Variants in CGNL1 observed in about 807,000 individuals in gnomAD.
CGNL1 encodes the protein cingulin like 1, also known as cingulin-like protein 1.
Under a neutral mutation model 141.2 loss-of-function variants are expected in CGNL1, and 132 were observed. That is an observed-to-expected ratio of 0.93 (90% confidence interval 0.81 to 1.08). CGNL1 has a LOEUF of 1.08. Among genes scored for constraint, CGNL1 ranks in the 50% least tolerant of loss-of-function variants. CGNL1 has a pLI of 0.00. For synonymous variants in CGNL1, 690 were observed against 622.1 expected, an observed-to-expected ratio of 1.11 and a Z score of -1.63; for missense variants, 1,870 against 1,588.6, an observed-to-expected ratio of 1.18 and a Z score of -3.01.
intron 1 of CGNL1, among the ~76,000 whole-genome samples, chr15:57,387,153 G>C (rs2062492904): frequency 6.6e-6 from 1 of 152,192 alleles, no homozygotes; most frequent in African/African-American, 2.4e-5. Context: ...CTGTGGAACT[G>C]CCTAGTCTAG....
rs538265559 is a variant in CGNL1 at position 57,473,435 on chromosome 15, G to A, written c.2403+11543G>A. ...GTATGGAAACAGGAATACCTACAGTGGCAAAGTTAATCAGAGTGCATAAGG... is the reference window on the plus strand; with the variant it reads ...GTATGGAAACAGGAATACCTACAGTAGCAAAGTTAATCAGAGTGCATAAGG... On this transcript the variant is annotated intron_variant, in intron 8 of 18. Coordinates refer to ENST00000281282, the MANE Select transcript of CGNL1 (RefSeq NM_032866.5). Among the ~76,000 whole-genome samples, 7 of 152,286 alleles carry A rather than the reference G, an allele frequency of 4.6e-5. No homozygotes were observed. The South Asian group carries it at 1.5e-3, about 32-fold the overall frequency.
chr15:57,470,256 C>CTCTTTT (rs758575367), intron 8 of CGNL1, among the ~76,000 whole-genome samples: 18 of 113,950 alleles, frequency 1.6e-4, no homozygotes, highest in African/African-American at 5.5e-4. Context: ...TTTTGTCTCT[C>CTCTTTT]TTTTTTTTTT....
intron 8 of CGNL1, among the ~76,000 whole-genome samples, chr15:57,472,796 A>C (rs1293912605): frequency 6.6e-6 from 1 of 152,156 alleles, no homozygotes; most frequent in Admixed American, 6.6e-5. Context: ...TAGGGCTTAT[A>C]GCTGAAGGCA....
At chr15:57,413,363 A>T (rs140093812) in intron 1 of CGNL1, among the ~76,000 whole-genome samples, 233 of 150,762 alleles carry the variant, frequency 1.5e-3, no homozygotes, top group African/African-American at 5.6e-3. Context: ...TGCAGCCACA[A>T]CCTCCTGGGC....
At chr15:57,520,399 A>G (rs2031170250) in intron 10 of CGNL1, among the ~76,000 whole-genome samples, 1 of 152,194 alleles carries the variant, frequency 6.6e-6, no homozygotes, top group African/African-American at 2.4e-5. Flanking sequence ...TCTTTGTGCT[A>G]TTGGTCTATT....
chr15:57,422,997 G>C (rs911880008), intron 1 of CGNL1, among the ~76,000 whole-genome samples: 1 of 152,118 alleles, frequency 6.6e-6, no homozygotes, highest in Non-Finnish European at 1.5e-5. Flanking sequence ...GTAGTTTGGG[G>C]GTAGAAGGTA....
intron 1 of CGNL1, among the ~76,000 whole-genome samples, chr15:57,384,328 G>T (rs1213671659): frequency 6.6e-6 from 1 of 152,138 alleles, no homozygotes; most frequent in African/African-American, 2.4e-5. Context: ...CATAGCATTT[G>T]CCTCCAGCCC....
At chr15:57,487,267 A>G (rs1271222658) in intron 8 of CGNL1, among the ~76,000 whole-genome samples, 4 of 152,170 alleles carry the variant, frequency 2.6e-5, no homozygotes, top group Non-Finnish European at 4.4e-5. Flanking sequence ...ATGAGTTGCA[A>G]AGAACAACTT....
In CGNL1 at chr15:57,438,587, C is replaced by G. The variant is rs781573402; in HGVS notation, c.588C>G (p.Ser196Arg). Reference protein sequence around the residue: ...KKPWTCFPKPSNSQPTSPSLE... With the variant: ...KKPWTCFPKPRNSQPTSPSLE... ...CTTGGACTTGCTTTCCCAAACCTAG[C>G]AATTCCCAGCCTACCAGTCCCTCCT... is the stretch of plus-strand genomic sequence containing the variant. The change falls in exon 2 of 19, where the codon AGC (serine) becomes AGG (arginine). Residue 196 changes from serine to arginine, a missense_variant. Ser to Arg is a moderately radical substitution (Grantham distance 110). Transcript: ENST00000281282. The G allele has an allele frequency of 6.2e-7, 1 of 1,613,696 alleles. No homozygotes were observed. Among genetic ancestry groups the G allele is most frequent in the Admixed American group, 1.7e-5 (1 of 60,022 alleles).
intron 8 of CGNL1, among the ~76,000 whole-genome samples, chr15:57,465,262 G>A (rs775585804): frequency 1.3e-4 from 20 of 151,714 alleles, no homozygotes; most frequent in Admixed American, 5.9e-4. Context: ...TTGGAGGAGA[G>A]TGAATTAAAT....
At chr15:57,517,260 C>T (rs945335976) in intron 9 of CGNL1, among the ~76,000 whole-genome samples, 1 of 152,208 alleles carries the variant, frequency 6.6e-6, no homozygotes. Flanking sequence ...CCCAGCCTTC[C>T]ATGGCTTCAC....
rs1333700393 is a variant in CGNL1 at position 57,547,711 on chromosome 15, G to T, written c.*221G>T. The T allele has an allele frequency of 2.4e-5, 12 of 503,612 alleles. No homozygotes were observed. In the Admixed American group the frequency reaches 4.6e-4, roughly 20 times the overall value. 31.2% of individuals were successfully genotyped at this position (503,612 alleles called of 1,614,324 possible). A position where few individuals can be genotyped will look rare whatever the true frequency, so the allele number is the denominator to read the frequency against. ...AAATGTTGGGATGCCTGAGGACCAG[G>T]AGCCACCACCCACTGGGGTGTTGTG... On this transcript the variant is annotated 3_prime_UTR_variant, in exon 19 of 19. Coordinates refer to ENST00000281282, the MANE Select transcript of CGNL1 (RefSeq NM_032866.5).
Position 57,461,834 on chromosome 15 carries a change from A to G in CGNL1, c.2345A>G (p.Lys782Arg), listed in dbSNP as rs372019960. Residue 782 changes from lysine to arginine, a missense_variant, in exon 8 of 19, where the codon AAG (lysine) becomes AGG (arginine). Physicochemically the swap from Lys to Arg is conservative, Grantham distance 26. Coordinates refer to ENST00000281282, the MANE Select transcript of CGNL1 (RefSeq NM_032866.5). ...SSHDQEMDKL[K>R]EQYDAELQAL... ...CATGATCAGGAGATGGACAAGCTGA[A>G]GGAGCAATATGATGCTGAGTTGCAG... The G allele has an allele frequency of 1.9e-6, 3 of 1,614,090 alleles. No individual in the cohort carries two copies. Among genetic ancestry groups the G allele is most frequent in the Admixed American group, 3.3e-5 (2 of 60,016 alleles).
chr15:57,397,874 C>G (rs146485577), intron 1 of CGNL1, among the ~76,000 whole-genome samples: 8 of 152,044 alleles, frequency 5.3e-5, no homozygotes, highest in Non-Finnish European at 1.0e-4. Context: ...TCTCCACCTC[C>G]TGGGTTCAAG....
rs75463412 is a variant in CGNL1 at position 57,425,107 on chromosome 15, A to G, written c.-15-12878A>G. Among the ~76,000 whole-genome samples the G allele has an allele frequency of 6.5e-3, 990 of 152,336 alleles. 13 individuals are homozygous for G. Among genetic ancestry groups the G allele is most frequent in the African/African-American group, 0.022 (918 of 41,570 alleles). ...ACATTATACAGGCTTGTGAAAGACT[A>G]AAATAGGAACTAAGCAAGATTGAAG... On this transcript the variant is annotated intron_variant, in intron 1 of 18. Coordinates refer to ENST00000281282, the MANE Select transcript of CGNL1 (RefSeq NM_032866.5).
intron 1 of CGNL1, among the ~76,000 whole-genome samples, chr15:57,414,595 C>T (rs1027195595): frequency 3.3e-5 from 5 of 152,150 alleles, no homozygotes; most frequent in East Asian, 3.9e-4. Flanking sequence ...CAGAGGTCAC[C>T]GTGGTGTTTG....
intron 7 of CGNL1, among the ~76,000 whole-genome samples, chr15:57,456,188 A>G (rs1306274442): frequency 6.6e-6 from 1 of 152,186 alleles, no homozygotes; most frequent in African/African-American, 2.4e-5. Context: ...GCCTGGGGGA[A>G]TTTGATAACA....
intron 8 of CGNL1, among the ~76,000 whole-genome samples, chr15:57,485,149 A>G (rs1169281721): frequency 1.3e-5 from 2 of 151,940 alleles, no homozygotes; most frequent in Non-Finnish European, 2.9e-5. Flanking sequence ...TTAAAACAAA[A>G]TTTTCTTGAG....
intron 8 of CGNL1, among the ~76,000 whole-genome samples, chr15:57,491,290 G>A (rs58253526): frequency 4.6e-5 from 7 of 152,030 alleles, no homozygotes; most frequent in East Asian, 3.9e-4. Flanking sequence ...ATAATTTTTC[G>A]TTTAGAAAAA....
Sources: gnomAD v4.1 joint callset for allele counts (sites outside exome capture counted in the v4.1 genomes callset) on GRCh38, gnomAD v4.1.1 for gene constraint, MANE v1.5 for transcripts, NCBI Gene and HGNC (gene_info 2026-07-23, HGNC 2026-07-21) for gene names.